Variants in SEMA4A observed in about 807,000 individuals in gnomAD.
SEMA4A encodes the protein semaphorin-4A.
Under a neutral mutation model 72.5 loss-of-function variants are expected in SEMA4A, and 52 were observed. The observed-to-expected ratio is 0.72, with a 90% CI of 0.57 to 0.90. The LOEUF (loss-of-function observed/expected upper bound fraction) is 0.90. Among genes scored for constraint, SEMA4A ranks in the 40% least tolerant of loss-of-function variants. SEMA4A has a pLI of 0.00. For missense variants in SEMA4A, 926 were observed against 959.7 expected, an observed-to-expected ratio of 0.96 and a Z score of 0.46; for synonymous variants, 369 against 393.1, an observed-to-expected ratio of 0.94 and a Z score of 0.73.
At chr1:156,175,437 T>A in intron 13 of SEMA4A, 119 bp from the exon 14 acceptor site, 1 of 1,098,564 alleles carries the variant, frequency 9.1e-7, no homozygotes, top group East Asian at 2.5e-5. Flanking sequence ...CGCGTTCCTC[T>A]CTCTGTTCCT....
At chr1:156,158,865 C>T in intron 6 of SEMA4A, 41 bp downstream of exon 6, 1 of 1,494,872 alleles carries the variant, frequency 6.7e-7, no homozygotes, top group Non-Finnish European at 9.3e-7. Flanking sequence ...CATCTACTTT[C>T]TCCAGTCACG....
chr1:156,161,798 T>C, intron 9 of SEMA4A: 1 of 451,404 alleles, frequency 2.2e-6, no homozygotes. Context: ...ATCGATAAAA[T>C]AGATACAGAA....
At chr1:156,163,987 G>A (rs193155872) in intron 10 of SEMA4A, among the ~76,000 whole-genome samples, 35 of 148,586 alleles carry the variant, frequency 2.4e-4, no homozygotes, top group Admixed American at 6.1e-4. Flanking sequence ...CTATGATCAC[G>A]AGAATGCACT....
Position 156,160,976 on chromosome 1 carries a change from G to A in SEMA4A, c.757G>A (p.Glu253Lys). ...CTTCTTCTTCGAGGAGACAGCCAGC[G>A]AGTTTGACTTCTTTGAGAGGCTCCA... Reference protein sequence around the residue: ...VYFFFEETASEFDFFERLHTS... With the variant: ...VYFFFEETASKFDFFERLHTS... Residue 253 changes from glutamate (E) to lysine (K), a missense_variant, in exon 8 of 15, where the codon GAG (glutamate) becomes AAG (lysine). Transcript: ENST00000368285. The A allele has an allele frequency of 6.2e-7, 1 of 1,612,768 alleles. No individual in the cohort carries two copies. The highest frequency in any genetic ancestry group is 8.5e-7 in the Non-Finnish European group (1 of 1,179,706).
Position 156,175,190 on chromosome 1 carries a change from C to T in SEMA4A, c.1539C>T (p.His513=). 6.2e-7 allele frequency: 1 copy of T among 1,614,174 alleles called. No homozygotes were observed. Among genetic ancestry groups the T allele is most frequent in the Non-Finnish European group, 8.5e-7 (1 of 1,180,024 alleles). ...CVDCVLARDP[H]CAWDPESRTC... is the part of the protein sequence containing the mutation. The stretch of plus-strand genomic sequence containing the variant: ...ACTGTGTCCTTGCCCGGGACCCCCA[C>T]TGTGCCTGGGACCCTGAGTCCCGAA... Residue 513 remains histidine, a synonymous_variant, in exon 13 of 15, where the codon CAC becomes CAT. Coordinates refer to ENST00000368285, the MANE Select transcript of SEMA4A (RefSeq NM_022367.4).
chr1:156,155,709 A>C (rs1303531573), intron 2 of SEMA4A: 1 of 157,398 alleles, frequency 6.4e-6, no homozygotes, highest in Non-Finnish European at 1.4e-5. Flanking sequence ...TAACTAATGC[A>C]ACAGTGCAAG....
rs1653294809 is a variant in SEMA4A at position 156,158,807 on chromosome 1, A to T, written c.551A>T (p.His184Leu). ...GQSPFDPAHK[H>L]TAVLVDGMLY... is the part of the protein sequence containing the mutation. The stretch of plus-strand genomic sequence containing the variant: ...AGCCCCTTTGACCCCGCTCACAAGC[A>T]TACGGCTGTCTTGGTGGGTGAGTAT... Residue 184 changes from histidine to leucine, a missense_variant, in exon 6 of 15, where the codon CAT becomes CTT. Physicochemically the swap from His to Leu is moderately conservative, Grantham distance 99 (BLOSUM62 -3). Coordinates refer to ENST00000368285, the MANE Select transcript of SEMA4A (RefSeq NM_022367.4). 1.2e-6 allele frequency: 2 copies of T among 1,613,924 alleles called. No individual in the cohort carries two copies. Among genetic ancestry groups the T allele is most frequent in the Non-Finnish European group, 1.7e-6 (2 of 1,179,848 alleles).
intron 10 of SEMA4A, among the ~76,000 whole-genome samples, chr1:156,167,795 A>G (rs1654316078): frequency 6.6e-6 from 1 of 152,226 alleles, no homozygotes; most frequent in Admixed American, 6.5e-5. Flanking sequence ...CTTCTTTGGC[A>G]GCATTCGCTT....
intron 10 of SEMA4A, among the ~76,000 whole-genome samples, chr1:156,172,361 C>T (rs896296344): frequency 1.3e-5 from 2 of 152,068 alleles, no homozygotes; most frequent in Non-Finnish European, 2.9e-5. Flanking sequence ...GGTGATCCAC[C>T]CACCTAGGCC....
chr1:156,177,110 G>A lies in SEMA4A; in HGVS notation c.*113G>A. The A allele has an allele frequency of 1.1e-6, 1 of 916,326 alleles. No individual in the cohort carries two copies. The highest frequency in any genetic ancestry group is 1.7e-6 in the Non-Finnish European group (1 of 578,810). The allele number at this position is 916,326 out of a possible 1,614,324, so 56.8% of individuals were successfully genotyped here. On this transcript the variant is annotated 3_prime_UTR_variant, in exon 15 of 15. Transcript: ENST00000368285. The stretch of plus-strand genomic sequence containing the variant: ...GCACAAAAGACCACCTTTCTCCCCT[G>A]AGAGGAGCTTCTGCTACTCTGCATC...
At chr1:156,166,867 T>A (rs1178592537) in intron 10 of SEMA4A, among the ~76,000 whole-genome samples, 1 of 151,750 alleles carries the variant, frequency 6.6e-6, no homozygotes, top group Non-Finnish European at 1.5e-5. Context: ...AGGTGGAGGT[T>A]GCAGTGAGCC....
At chr1:156,167,802 G>T (rs1009425326) in intron 10 of SEMA4A, among the ~76,000 whole-genome samples, 1 of 152,178 alleles carries the variant, frequency 6.6e-6, no homozygotes, top group Non-Finnish European at 1.5e-5. Flanking sequence ...GGCAGCATTC[G>T]CTTCCTGTTT....
chr1:156,151,595 G>A (rs1192755826), upstream of SEMA4A, among the ~76,000 whole-genome samples: 1 of 152,156 alleles, frequency 6.6e-6, no homozygotes, highest in African/African-American at 2.4e-5. Context: ...CAGTTTTGGA[G>A]TCTGAGTCAG....
At position 156,175,629 on chromosome 1, in the gene SEMA4A, C is replaced by T. The variant is rs1303608698; in HGVS notation, c.1666C>T (p.Leu556Phe). ...TGCCAGTGGCCCCATGAGCAGGAGC[C>T]TTCGGCCTCAGAGCCGCCCGCAAAT... The part of the protein sequence containing the change: ...ACASGPMSRS[L>F]RPQSRPQIIK... The change falls in exon 14 of 15, where the codon CTT becomes TTT. Residue 556 changes from leucine (L) to phenylalanine (F), a missense_variant. Coordinates refer to ENST00000368285, the MANE Select transcript of SEMA4A (RefSeq NM_022367.4). The T allele has an allele frequency of 6.2e-7, 1 of 1,611,578 alleles. No individual in the cohort carries two copies. The highest frequency in any genetic ancestry group is 8.5e-7 in the Non-Finnish European group (1 of 1,179,012).
At chr1:156,167,563 T>A (rs1654294481) in intron 10 of SEMA4A, among the ~76,000 whole-genome samples, 1 of 152,062 alleles carries the variant, frequency 6.6e-6, no homozygotes, top group Admixed American at 6.6e-5. Context: ...TTCTCGTGCA[T>A]TTTTTTGCTT....
At chr1:156,158,595 C>G (rs997761670) in intron 5 of SEMA4A, 109 bp downstream of exon 5, 1 of 1,278,376 alleles carries the variant, frequency 7.8e-7, no homozygotes. Context: ...ATGCAGGACC[C>G]TCATGAACTT....
chr1:156,172,773 G>T (rs1654922145), intron 10 of SEMA4A, 53 bp from the exon 11 acceptor site: 2 of 1,520,238 alleles, frequency 1.3e-6, no homozygotes, highest in Admixed American at 3.3e-5. Flanking sequence ...TGGAGGGAGG[G>T]TGAGCTGAGG....
chr1:156,156,680 T>A (rs1287112470), intron 3 of SEMA4A, 106 bp downstream of exon 3: 1 of 1,040,954 alleles, frequency 9.6e-7, no homozygotes. Flanking sequence ...CTGTTATCTG[T>A]AATCAGCAGT....
At chr1:156,160,408 C>T (rs752705092) in intron 6 of SEMA4A, 35 bp from the exon 7 acceptor site, 1 of 1,524,672 alleles carries the variant, frequency 6.6e-7, no homozygotes, top group African/African-American at 1.4e-5. Flanking sequence ...ACCCTCCACC[C>T]CATCAGTTCT....
Sources: allele counts gnomAD v4.1 joint callset (sites outside exome capture counted in the v4.1 genomes callset), GRCh38; gene constraint gnomAD v4.1.1; transcripts MANE v1.5; gene names NCBI Gene and HGNC (gene_info 2026-07-23, HGNC 2026-07-21).